The following DIPK1A variants were observed in gnomAD, a reference collection of about 807,000 sequenced individuals.
DIPK1A encodes the protein divergent protein kinase domain 1A, also known as family with sequence similarity 69 member A.
Under a neutral mutation model 40.8 loss-of-function variants are expected in DIPK1A, and 27 were observed. The observed-to-expected ratio is 0.66, with a 90% CI of 0.49 to 0.91. DIPK1A has a LOEUF of 0.91. Among genes scored for constraint, DIPK1A ranks in the 40% least tolerant of loss-of-function variants. The pLI is 0.00. For synonymous variants in DIPK1A, 166 were observed against 171.3 expected (o/e 0.97, Z 0.24); for missense variants, 412 against 505.7 (o/e 0.81, Z 1.78).
chr1:92,912,235 T>C (rs7535486), intron 1 of DIPK1A, among the ~76,000 whole-genome samples: 3,307 of 152,070 alleles, frequency 0.022, 91 homozygotes, highest in African/African-American at 0.061. Flanking sequence ...GGATACTTAT[T>C]AGGAAGAGAA....
chr1:92,951,492 T>C (rs1651630547), intron 1 of DIPK1A, among the ~76,000 whole-genome samples: 1 of 152,188 alleles, frequency 6.6e-6, no homozygotes, highest in African/African-American at 2.4e-5. Context: ...TTGTGAAACT[T>C]GGAGCAGAGA....
At chr1:92,921,675 A>T (rs1328709738) in intron 1 of DIPK1A, among the ~76,000 whole-genome samples, 2 of 152,196 alleles carry the variant, frequency 1.3e-5, no homozygotes, top group South Asian at 4.1e-4. Context: ...GTTGGGCAGT[A>T]GGTAAGAACA....
intron 4 of DIPK1A, chr1:92,836,554 T>C (rs1027863236): frequency 4.5e-6 from 3 of 666,806 alleles, no homozygotes; most frequent in Non-Finnish European, 7.9e-6. Flanking sequence ...GAAGGAATTA[T>C]AGCCCATTTT....
intron 4 of DIPK1A, 31 bp from the exon 5 acceptor site, chr1:92,844,226 G>A: frequency 7.1e-7 from 1 of 1,410,630 alleles, no homozygotes; most frequent in Non-Finnish European, 9.7e-7. Context: ...TACACAGAAG[G>A]AATGAAAAAT....
intron 2 of DIPK1A, among the ~76,000 whole-genome samples, chr1:92,869,167 T>TTA (rs1202522428): frequency 6.6e-6 from 1 of 150,688 alleles, no homozygotes; most frequent in Non-Finnish European, 1.5e-5. Flanking sequence ...ATTATTATTA[T>TTA]TATTATTATT....
chr1:92,863,265 G>A (rs1309728997), intron 2 of DIPK1A, among the ~76,000 whole-genome samples: 1 of 152,110 alleles, frequency 6.6e-6, no homozygotes, highest in African/African-American at 2.4e-5. Flanking sequence ...GAAATCAAAT[G>A]TTTTATTGCT....
downstream of DIPK1A, chr1:92,837,298 T>A: frequency 1.3e-6 from 1 of 783,868 alleles, no homozygotes; most frequent in East Asian, 2.4e-5. Context: ...TGCTGAATGA[T>A]GATATCCCAC....
chr1:92,919,787 T>G (rs1017736829), intron 1 of DIPK1A, among the ~76,000 whole-genome samples: 5 of 152,232 alleles, frequency 3.3e-5, no homozygotes, highest in Non-Finnish European at 7.3e-5. Flanking sequence ...CATGTCTTAC[T>G]CATTTCCATA....
downstream of DIPK1A, chr1:92,841,946 C>G: frequency 2.6e-6 from 3 of 1,133,812 alleles, no homozygotes; most frequent in South Asian, 2.9e-5. Flanking sequence ...AGCTCTTATT[C>G]TTATGAACCT....
At chr1:92,930,006 C>G (rs540225063) in intron 1 of DIPK1A, among the ~76,000 whole-genome samples, 2 of 152,290 alleles carry the variant, frequency 1.3e-5, no homozygotes, top group East Asian at 3.9e-4. Flanking sequence ...CATAACCACC[C>G]TTGAACCAAG....
intron 1 of DIPK1A, among the ~76,000 whole-genome samples, chr1:92,937,615 A>G (rs780065641): frequency 3.9e-5 from 6 of 152,144 alleles, no homozygotes; most frequent in Admixed American, 1.3e-4. Context: ...TTTTTGGACA[A>G]TGCTGCTTTT....
At chr1:92,888,190 C>T (rs556517927) in intron 1 of DIPK1A, among the ~76,000 whole-genome samples, 2 of 152,188 alleles carry the variant, frequency 1.3e-5, no homozygotes, top group South Asian at 4.2e-4. Context: ...TTGCCCTCCT[C>T]CCCTTACCCT....
At chr1:92,855,995 T>G (rs1426873853) in intron 2 of DIPK1A, among the ~76,000 whole-genome samples, 1 of 152,122 alleles carries the variant, frequency 6.6e-6, no homozygotes, top group African/African-American at 2.4e-5. Context: ...GAGGATGGCT[T>G]GAGCCCTGGA....
At chr1:92,881,676 C>A (rs1477747762) in intron 1 of DIPK1A, among the ~76,000 whole-genome samples, 1 of 152,038 alleles carries the variant, frequency 6.6e-6, no homozygotes, top group South Asian at 2.1e-4. Context: ...AAAGCAATAG[C>A]TCGTGATATA....
intron 2 of DIPK1A, among the ~76,000 whole-genome samples, chr1:92,875,079 G>A (rs1648055230): frequency 6.6e-6 from 1 of 152,098 alleles, no homozygotes; most frequent in African/African-American, 2.4e-5. Flanking sequence ...GTGGAATAAC[G>A]TGTTTTTGTA....
chr1:92,841,634 T>G (rs2100699715), downstream of DIPK1A: 1 of 542,820 alleles, frequency 1.8e-6, no homozygotes. Context: ...TATTTGAACT[T>G]GGATTATTTA....
intron 2 of DIPK1A, among the ~76,000 whole-genome samples, chr1:92,853,688 C>G (rs1687894583): frequency 6.6e-6 from 1 of 152,186 alleles, no homozygotes; most frequent in African/African-American, 2.4e-5. Context: ...CATAGCTGAA[C>G]TTTCTTTCAG....
chr1:92,878,543 A>G (rs1305464673), intron 1 of DIPK1A, among the ~76,000 whole-genome samples: 1 of 152,140 alleles, frequency 6.6e-6, no homozygotes, highest in Non-Finnish European at 1.5e-5. Context: ...AAATTAGGCC[A>G]GGCGCAGTGG....
intron 2 of DIPK1A, among the ~76,000 whole-genome samples, chr1:92,859,467 T>C (rs1462418192): frequency 6.6e-6 from 1 of 152,200 alleles, no homozygotes; most frequent in Non-Finnish European, 1.5e-5. Flanking sequence ...TAATAGAGTC[T>C]GCAATTTATT....
Sources: allele counts gnomAD v4.1 joint callset (sites outside exome capture counted in the v4.1 genomes callset), GRCh38; gene constraint gnomAD v4.1.1; transcripts MANE v1.5; gene names NCBI Gene and HGNC (gene_info 2026-07-23, HGNC 2026-07-21).